OLAH: variants seen among roughly 807,000 people sequenced by gnomAD.
OLAH encodes oleoyl-ACP hydrolase.
OLAH carries 33 observed loss-of-function variants against 27.8 expected under a neutral mutation model. The observed-to-expected ratio is 1.19, with a 90% confidence interval of 0.90 to 1.59. The LOEUF is 1.59. OLAH is among the 40% of genes most tolerant of loss of function. The pLI is 0.00. For missense variants in OLAH, 359 were observed against 310.8 expected (o/e 1.16, Z -1.17); for synonymous variants, 120 against 102.9 (o/e 1.17, Z -1.01).
chr10:15,054,360 A>G (rs1169279510), intron 3 of OLAH, among the ~76,000 whole-genome samples: 2 of 152,086 alleles, frequency 1.3e-5, no homozygotes, highest in African/African-American at 4.8e-5. Context: ...TTTTTAATAA[A>G]CTTTCACTCC....
rs141521749 is a variant in OLAH, at chr10:15,045,535, G to C, written c.-164+1549G>C. 2.6e-3 allele frequency among the ~76,000 whole-genome samples: 399 copies of C among 152,240 alleles called. 2 individuals are homozygous for C. The highest frequency in any genetic ancestry group is 9.0e-3 in the African/African-American group (372 of 41,530). ...GAGAGTTGATGGTGGCTCTGGCCCA[G>C]AATTACTAAGAAAAGGCTCTAAGAA... On this transcript the variant is annotated intron_variant, in intron 1 of 7. Transcript: ENST00000378228.
At chr10:15,039,130 G>A (rs1045550650), upstream of OLAH, among the ~76,000 whole-genome samples, 1 of 152,096 alleles carries the variant, frequency 6.6e-6, no homozygotes, top group African/African-American at 2.4e-5. Context: ...GGAGGCTGAG[G>A]TGGGAAGATT....
intron 3 of OLAH, among the ~76,000 whole-genome samples, chr10:15,053,442 T>C (rs1049443299): frequency 2.0e-5 from 3 of 152,104 alleles, no homozygotes; most frequent in South Asian, 2.1e-4. Context: ...CCAGAAAAAC[T>C]AGTAAGGGAA....
intron 3 of OLAH, 49 bp from the exon 4 acceptor site, chr10:15,061,675 T>C: frequency 2.1e-6 from 3 of 1,461,288 alleles, no homozygotes; most frequent in Non-Finnish European, 2.7e-6. Context: ...AACATCACAA[T>C]ATCTCATTCA....
At chr10:15,043,280 C>G (rs781735930), upstream of OLAH, among the ~76,000 whole-genome samples, 1 of 151,996 alleles carries the variant, frequency 6.6e-6, no homozygotes, top group Non-Finnish European at 1.5e-5. Context: ...ATTGAAAACA[C>G]GAAAAGTCTT....
In OLAH at chr10:15,065,711, G is replaced by A; in HGVS notation, c.530G>A (p.Ser177Asn). The change falls in exon 6 of 8, where the codon AGT (serine) becomes AAT (asparagine). Residue 177 changes from serine (S) to asparagine (N), a missense_variant. By Grantham distance (46) the Ser-to-Asn change is conservative. Coordinates refer to ENST00000378228, the MANE Select transcript of OLAH (RefSeq NM_001039702.3). ...GCCAAGGAATTTGTGAAACAATGTA[G>A]TCCCATCATAAGGGCAGATCTGAAC... ...AEAKEFVKQC[S>N]PIIRADLNIV... 6.2e-7 allele frequency: 1 copy of A among 1,613,982 alleles called. No individual in the cohort carries two copies.
intron 3 of OLAH, among the ~76,000 whole-genome samples, chr10:15,051,845 C>T (rs745357470): frequency 2.0e-5 from 3 of 152,156 alleles, no homozygotes; most frequent in Non-Finnish European, 2.9e-5. Context: ...CTGTAAACGG[C>T]CCAATAGTAA....
rs750645682 is a variant in OLAH, at chr10:15,065,771, G to C, written c.572+18G>C. The C allele has an allele frequency of 3.2e-6, 5 of 1,577,382 alleles. No homozygotes were observed. Among genetic ancestry groups the C allele is most frequent in the Non-Finnish European group, 4.3e-6 (5 of 1,164,242 alleles). On this transcript the variant is annotated intron_variant, in intron 6 of 7. Transcript: ENST00000378228. ...AGTTGCACGTAAGTAACAGAAACAA[G>C]GTTTTTTCTTTTTTTGGTACAATTA...
At chr10:15,062,574 TA>T (rs1844388671) in intron 4 of OLAH, among the ~76,000 whole-genome samples, 1 of 150,728 alleles carries the variant, frequency 6.6e-6, no homozygotes, top group Admixed American at 6.6e-5. Context: ...ATTGCTATAA[TA>T]TTTATATTAT....
At chr10:15,052,930 G>A (rs973816734) in intron 3 of OLAH, among the ~76,000 whole-genome samples, 13 of 150,620 alleles carry the variant, frequency 8.6e-5, no homozygotes, top group Non-Finnish European at 1.5e-4. Flanking sequence ...TAGTAGAGAC[G>A]GGGGTTCACC....
rs10906818 is a variant in OLAH at position 15,064,442 on chromosome 10, A to G, written c.342A>G (p.Leu114=). The change falls in exon 5 of 8, where the codon CTA becomes CTG. Residue 114 remains leucine (L), a synonymous_variant. Transcript: ENST00000378228. ...SYIAFRTALG[L]KENNQPEPLH... The stretch of plus-strand genomic sequence containing the variant: ...TTGCTTTTAGGACTGCACTAGGTCT[A>G]AAAGAAAACAATCAACCAGAACCAT... 660,767 of 1,594,206 alleles carry G rather than the reference A, an allele frequency of 0.41. 140,311 individuals carry two copies. Among genetic ancestry groups the G allele is most frequent in the East Asian group, 0.63 (27,674 of 43,698 alleles).
chr10:15,060,750 G>A (rs1193055625), intron 3 of OLAH, among the ~76,000 whole-genome samples: 8 of 151,932 alleles, frequency 5.3e-5, no homozygotes, highest in Non-Finnish European at 1.0e-4. Context: ...TGTTTCTTAC[G>A]TTTGATGCTC....
At chr10:15,055,661 A>G (rs1844231718) in intron 3 of OLAH, among the ~76,000 whole-genome samples, 1 of 152,194 alleles carries the variant, frequency 6.6e-6, no homozygotes, top group Admixed American at 6.6e-5. Flanking sequence ...ATTAAAGGCC[A>G]CTACTTTAAA....
chr10:15,066,181 C>T (rs773088326), intron 6 of OLAH, among the ~76,000 whole-genome samples: 7 of 148,648 alleles, frequency 4.7e-5, no homozygotes, highest in Non-Finnish European at 1.0e-4. Flanking sequence ...GCGGAGGTTG[C>T]AGTGAGCTAA....
In OLAH at chr10:15,056,925, C is replaced by T. The variant is rs371524915; in HGVS notation, c.164-4799C>T. ...ATGTGCTGGCGTGAGCCACCGTAGG[C>T]GTGAGCCACCGTGCCTGGCCAAAAT... On this transcript the variant is annotated intron_variant, in intron 3 of 7. Coordinates refer to ENST00000378228, the MANE Select transcript of OLAH (RefSeq NM_001039702.3). The T allele has an allele frequency of 2.4e-5, 37 of 1,514,468 alleles. No individual in the cohort carries two copies. In the African/African-American group the frequency reaches 2.9e-4, roughly 12 times the overall value. The allele number at this position is 1,514,468 out of a possible 1,614,324, so 93.8% of individuals were successfully genotyped here.
At chr10:15,049,481 T>C (rs2131346035) in intron 2 of OLAH, among the ~76,000 whole-genome samples, 154 bp from the exon 3 acceptor site, 1 of 152,286 alleles carries the variant, frequency 6.6e-6, no homozygotes, top group South Asian at 2.1e-4. Context: ...AAAAATCTTT[T>C]TTGCCCTTTC....
chr10:15,038,897 T>C (rs967395557), intron 1 of OLAH, among the ~76,000 whole-genome samples: 1 of 152,176 alleles, frequency 6.6e-6, no homozygotes. Context: ...CTGCCCTGAA[T>C]TCTTGCAAAT....
At chr10:15,049,871 T>C (rs1844099577) in intron 3 of OLAH, 106 bp downstream of exon 3, 8 of 1,056,698 alleles carry the variant, frequency 7.6e-6, no homozygotes, top group Admixed American at 3.0e-5. Context: ...AGGTAATTGA[T>C]AATAAACTTT....
intron 3 of OLAH, among the ~76,000 whole-genome samples, chr10:15,060,770 T>C (rs1844346890): frequency 6.6e-6 from 1 of 152,124 alleles, no homozygotes; most frequent in South Asian, 2.1e-4. Flanking sequence ...CTCCCTGGAG[T>C]TGTTATGGGT....
Sources: allele counts gnomAD v4.1 joint callset (sites outside exome capture counted in the v4.1 genomes callset), GRCh38; gene constraint gnomAD v4.1.1; transcripts MANE v1.5; gene names NCBI Gene and HGNC (gene_info 2026-07-23, HGNC 2026-07-21).